The following CNTN5 variants were observed in gnomAD, a reference collection of about 807,000 sequenced individuals.
The protein encoded by CNTN5 is contactin-5.
In CNTN5, 77 loss-of-function variants were observed where a neutral mutation model predicts 129.1. That is an observed-to-expected ratio of 0.60 (90% CI 0.50 to 0.72). The LOEUF is 0.72. CNTN5 is among the 30% of genes least tolerant of loss of function. The pLI is 0.00. For synonymous variants in CNTN5, 509 were observed against 465.6 expected, an observed-to-expected ratio of 1.09 and a Z score of -1.20; for missense variants, 1,478 against 1,328.8, an observed-to-expected ratio of 1.11 and a Z score of -1.75.
chr11:99,506,282 A>G (rs1946614306), intron 2 of CNTN5, among the ~76,000 whole-genome samples: 1 of 152,230 alleles, frequency 6.6e-6, no homozygotes, highest in African/African-American at 2.4e-5. Flanking sequence ...AATTTTGAGT[A>G]TCTTTGTTGA....
intron 8 of CNTN5, among the ~76,000 whole-genome samples, chr11:99,999,735 T>C (rs1473330156): frequency 1.3e-5 from 2 of 151,922 alleles, no homozygotes; most frequent in African/African-American, 4.8e-5. Flanking sequence ...CTATTCACAA[T>C]AGCAAAGACT....
At chr11:99,866,039 TC>T (rs1948346468) in intron 6 of CNTN5, among the ~76,000 whole-genome samples, 1 of 152,208 alleles carries the variant, frequency 6.6e-6, no homozygotes, top group Non-Finnish European at 1.5e-5. Flanking sequence ...TTCAGTAATT[TC>T]ACACATTAAC....
rs181901929 is a variant in CNTN5 at position 100,063,088 on chromosome 11, C to A, written c.1162+1695C>A. 1.1e-4 allele frequency among the ~76,000 whole-genome samples: 16 copies of A among 152,184 alleles called. No individual in the cohort carries two copies. The East Asian group carries it at 2.7e-3, about 26-fold the overall frequency. ...AGGCTATCAGAGGAAAGTACGAATT[C>A]TCTGTGTTCGAAGAATGGCCCACAC... On this transcript the variant is annotated intron_variant, in intron 10 of 24. Transcript: ENST00000524871.
At chr11:99,516,587 A>G (rs1041183179) in intron 2 of CNTN5, among the ~76,000 whole-genome samples, 1 of 152,102 alleles carries the variant, frequency 6.6e-6, no homozygotes. Flanking sequence ...GAGAGCATCG[A>G]GTGAGGGTCA....
rs878996507 is a variant in CNTN5, at chr11:99,127,760, C to T, written c.-210+106490C>T. On this transcript the variant is annotated intron_variant, in intron 1 of 24. Transcript: ENST00000524871. The stretch of plus-strand genomic sequence containing the variant: ...TTCAAGATATCCATTATATGCCATT[C>T]CCCTTACAAAGCATTCCTTGACCTT... Among the ~76,000 whole-genome samples the T allele has an allele frequency of 4.9e-4, 74 of 152,276 alleles. No individual in the cohort carries two copies. In the Middle Eastern group the frequency reaches 0.01, roughly 21 times the overall value.
Position 99,987,083 on chromosome 11 carries a change from AAAG to A in CNTN5, c.878-14948_878-14946del, listed in dbSNP as rs1410761728. ...TATTTTAAGTATCCCACAAAACAAA[AAAG>A]AACACAAACATTGAAATACAAAAAA... is the stretch of plus-strand genomic sequence containing the variant. On this transcript the variant is annotated intron_variant, in intron 8 of 24. Coordinates refer to ENST00000524871, the MANE Select transcript of CNTN5 (RefSeq NM_014361.4). Among the ~76,000 whole-genome samples the A allele has an allele frequency of 3.3e-5, 5 of 152,292 alleles. No individual in the cohort carries two copies. In the South Asian group the frequency reaches 8.3e-4, roughly 25 times the overall value.
intron 3 of CNTN5, among the ~76,000 whole-genome samples, chr11:99,641,128 A>G (rs1166478195): frequency 6.6e-6 from 1 of 152,228 alleles, no homozygotes; most frequent in Non-Finnish European, 1.5e-5. Context: ...GATGGCTGTG[A>G]AGAGCTTGAT....
chr11:100,022,765 T>C (rs1941227829), intron 9 of CNTN5, among the ~76,000 whole-genome samples: 2 of 152,170 alleles, frequency 1.3e-5, no homozygotes, highest in Admixed American at 6.5e-5. Flanking sequence ...TATTTCACTT[T>C]TGTTTTTAAA....
chr11:100,032,286 T>C (rs1270648453), intron 9 of CNTN5, among the ~76,000 whole-genome samples: 1 of 152,290 alleles, frequency 6.6e-6, no homozygotes, highest in Non-Finnish European at 1.5e-5. Flanking sequence ...TATTTAGTTA[T>C]ATTAATGTGG....
chr11:99,920,192 A>G (rs554651314), intron 7 of CNTN5, among the ~76,000 whole-genome samples: 2 of 151,964 alleles, frequency 1.3e-5, no homozygotes, highest in Non-Finnish European at 2.9e-5. Flanking sequence ...ATAAAACACT[A>G]TTTTCACTTA....
intron 13 of CNTN5, among the ~76,000 whole-genome samples, chr11:100,110,978 A>C (rs1163614459): frequency 6.6e-6 from 1 of 150,790 alleles, no homozygotes; most frequent in Non-Finnish European, 1.5e-5. Context: ...CCTTCACTAG[A>C]ATATAGCTTT....
At chr11:99,966,276 A>G (rs1452238909) in intron 8 of CNTN5, among the ~76,000 whole-genome samples, 2 of 152,182 alleles carry the variant, frequency 1.3e-5, no homozygotes, top group African/African-American at 2.4e-5. Flanking sequence ...TATAAAATGT[A>G]TTATCTTAGC....
intron 13 of CNTN5, among the ~76,000 whole-genome samples, chr11:100,089,628 A>T (rs1309884180): frequency 6.6e-6 from 1 of 152,158 alleles, no homozygotes; most frequent in African/African-American, 2.4e-5. Flanking sequence ...CACAATAGCA[A>T]ATACATGGAA....
chr11:99,576,956 C>T lies in CNTN5; in HGVS notation c.55+20687C>T, dbSNP rs147055729. Among the ~76,000 whole-genome samples the T allele has an allele frequency of 3.6e-3, 545 of 152,216 alleles. 1 individual carries two copies. The highest frequency in any genetic ancestry group is 0.013 in the African/African-American group (520 of 41,538). ...TTTGGAGGGACACAAACATTCAGAC[C>T]ACAGCACAAATCTTTGGACTGAGTA... On this transcript the variant is annotated intron_variant, in intron 3 of 24. Coordinates refer to ENST00000524871, the MANE Select transcript of CNTN5 (RefSeq NM_014361.4).
At position 100,344,373 on chromosome 11, in the gene CNTN5, T is replaced by C. The variant is rs560796981; in HGVS notation, c.3030+3168T>C. Among the ~76,000 whole-genome samples, 2 of 152,302 alleles carry C rather than the reference T, an allele frequency of 1.3e-5. 1 individual carries two copies. Among genetic ancestry groups the C allele is most frequent in the East Asian group, 3.9e-4 (2 of 5,182 alleles). On this transcript the variant is annotated intron_variant, in intron 23 of 24. Transcript: ENST00000524871. ...CCATATATTCAGTGCATAAATAATG[T>C]AATAAATGATTCTTTTGTATAGTTA...
intron 1 of CNTN5, among the ~76,000 whole-genome samples, chr11:99,314,397 T>C (rs1865245972): frequency 6.6e-6 from 1 of 152,146 alleles, no homozygotes; most frequent in African/African-American, 2.4e-5. Context: ...TCATTTATTC[T>C]ATGGGTGTGC....
At chr11:99,525,270 T>C (rs946331645) in intron 2 of CNTN5, among the ~76,000 whole-genome samples, 1 of 152,168 alleles carries the variant, frequency 6.6e-6, no homozygotes, top group South Asian at 2.1e-4. Flanking sequence ...TGGGACTTTG[T>C]GGATCAACTT....
intron 8 of CNTN5, among the ~76,000 whole-genome samples, chr11:99,964,941 T>C (rs936682750): frequency 3.3e-5 from 5 of 152,236 alleles, no homozygotes; most frequent in African/African-American, 1.2e-4. Flanking sequence ...TTCTAGTTTA[T>C]TTGCGTAGAG....
At chr11:99,742,427 C>T (rs567043522) in intron 3 of CNTN5, among the ~76,000 whole-genome samples, 1 of 152,218 alleles carries the variant, frequency 6.6e-6, no homozygotes, top group East Asian at 1.9e-4. Context: ...GGTTCAGTAA[C>T]CAATCATTTG....
Sources: allele counts gnomAD v4.1 joint callset (sites outside exome capture counted in the v4.1 genomes callset), GRCh38; gene constraint gnomAD v4.1.1; transcripts MANE v1.5; gene names NCBI Gene and HGNC (gene_info 2026-07-23, HGNC 2026-07-21).